The following SDK2 variants were observed in gnomAD, a reference collection of about 807,000 sequenced individuals.
The protein encoded by SDK2 is protein sidekick-2.
A neutral mutation model predicts 253.9 loss-of-function variants in SDK2; 105 were observed. That is an observed-to-expected ratio of 0.41 (90% CI 0.35 to 0.49). The LOEUF is 0.49. Among genes scored for constraint, SDK2 ranks in the 20% least tolerant of loss-of-function variants. The pLI is 0.06. For missense variants in SDK2, 2,608 were observed against 3,003.0 expected (o/e 0.87, Z 3.07); for synonymous variants, 1,249 against 1,234.9 (o/e 1.01, Z -0.24).
intron 1 of SDK2, among the ~76,000 whole-genome samples, chr17:73,599,475 C>A (rs2045807700): frequency 6.6e-6 from 1 of 151,386 alleles, no homozygotes; most frequent in African/African-American, 2.4e-5. Context: ...GCGGAGGCTG[C>A]AGTGAGCTGA....
rs1340006897 is a variant in SDK2 at position 73,467,707 on chromosome 17, C to T, written c.331+4405G>A. ...ACCTTCCTTAGCTTGTCAGGAACTG[C>T]GTTCTTCTCAAGGGTCGGAAGGACT... On this transcript the variant is annotated intron_variant, in intron 3 of 44. Coordinates refer to ENST00000392650, the MANE Select transcript of SDK2 (RefSeq NM_001144952.2). The surrounding 1 kb of genome is among the most constrained non-coding windows in gnomAD (Gnocchi z 4.1). Among the ~76,000 whole-genome samples the T allele has an allele frequency of 5.9e-5, 9 of 152,166 alleles. No individual in the cohort carries two copies. In the East Asian group the frequency reaches 1.5e-3, roughly 26 times the overall value.
At chr17:73,386,389 T>A (rs2062872148) in intron 31 of SDK2, 56 bp downstream of exon 31, 1 of 1,271,694 alleles carries the variant, frequency 7.9e-7, no homozygotes, top group South Asian at 1.3e-5. Flanking sequence ...AAATGCCCCA[T>A]GCCCAGGAAG....
chr17:73,517,003 C>A (rs1370793916), intron 1 of SDK2: 2 of 152,194 alleles, frequency 1.3e-5, no homozygotes, highest in East Asian at 3.9e-4. Flanking sequence ...GCCACCGAGC[C>A]CTCCTTGAGC....
rs755947770 is a variant in SDK2, at chr17:73,612,155, G to A, written c.64+31870C>T. Among the ~76,000 whole-genome samples, 8 of 152,170 alleles carry A rather than the reference G, an allele frequency of 5.3e-5. No individual in the cohort carries two copies. Among genetic ancestry groups the A allele is most frequent in the East Asian group, 1.9e-4 (1 of 5,204 alleles). ...ATAAACAGCAATTCCTTTCACCCCC[G>A]CTGCAGCCTCTTCAAGCGAGGAAAG... On this transcript the variant is annotated intron_variant, in intron 1 of 44. Transcript: ENST00000392650. The surrounding 1 kb of genome is among the most constrained non-coding windows in gnomAD (Gnocchi z 4.4).
At chr17:73,597,676 C>T (rs1334346459) in intron 1 of SDK2, among the ~76,000 whole-genome samples, 50 of 149,220 alleles carry the variant, frequency 3.4e-4, no homozygotes, top group South Asian at 3.0e-3. Flanking sequence ...GACAGAGTCT[C>T]GCTCTGTCGC....
At chr17:73,599,205 G>A (rs561133372) in intron 1 of SDK2, among the ~76,000 whole-genome samples, 156 of 152,320 alleles carry the variant, frequency 1.0e-3, no homozygotes, top group African/African-American at 3.6e-3. Flanking sequence ...ACAGAAGGAG[G>A]AAGGTAGGTA....
At position 73,390,360 on chromosome 17, in the gene SDK2, G is replaced by T; in HGVS notation, c.4119C>A (p.Phe1373Leu). 6.2e-7 allele frequency: 1 copy of T among 1,612,016 alleles called. No homozygotes were observed. The highest frequency in any genetic ancestry group is 8.5e-7 in the Non-Finnish European group (1 of 1,179,740). ...TGLKPESVYLFRITAQTRKGW... is the reference protein window; with the variant it reads ...TGLKPESVYLLRITAQTRKGW... The stretch of plus-strand genomic sequence containing the variant: ...CCTTGCGGGTCTGGGCCGTGATGCG[G>T]AACAGGTAGACAGACTCTGGCTTGA... Residue 1373 changes from phenylalanine to leucine, a missense_variant, in exon 29 of 45, where the codon TTC becomes TTA. Physicochemically the swap from Phe to Leu is conservative, Grantham distance 22. This residue lies in a region of SDK2 where 1,103 missense variants were observed against 1,143.9 expected (regional missense o/e 0.96). Coordinates refer to ENST00000392650, the MANE Select transcript of SDK2 (RefSeq NM_001144952.2).
At chr17:73,561,645 C>T (rs1173542158) in intron 1 of SDK2, among the ~76,000 whole-genome samples, 1 of 152,238 alleles carries the variant, frequency 6.6e-6, no homozygotes, top group Non-Finnish European at 1.5e-5. Flanking sequence ...AATGGCTACA[C>T]GCCTAGGCCA....
At chr17:73,369,671 T>A in intron 36 of SDK2, among the ~76,000 whole-genome samples, 1 of 152,192 alleles carries the variant, frequency 6.6e-6, no homozygotes, top group East Asian at 1.9e-4. Context: ...TTCCTTTCTG[T>A]TTTTTGAGAT....
chr17:73,445,938 C>T (rs2063450414), intron 5 of SDK2, among the ~76,000 whole-genome samples: 1 of 152,102 alleles, frequency 6.6e-6, no homozygotes, highest in Admixed American at 6.5e-5. Flanking sequence ...TGCCCACCTC[C>T]CTGGGGCCAG....
chr17:73,407,752 T>G (rs938042814), intron 18 of SDK2, among the ~76,000 whole-genome samples: 1 of 152,136 alleles, frequency 6.6e-6, no homozygotes, highest in African/African-American at 2.4e-5. Flanking sequence ...CAATTCATTA[T>G]ACGAAAAATT....
intron 21 of SDK2, among the ~76,000 whole-genome samples, chr17:73,399,757 A>G (rs1242836712): frequency 1.3e-5 from 2 of 152,164 alleles, no homozygotes; most frequent in Non-Finnish European, 2.9e-5. Context: ...GACAGGGGGA[A>G]GCTTATTTTC....
chr17:73,622,604 G>C (rs1476888893), intron 1 of SDK2, among the ~76,000 whole-genome samples: 4 of 152,224 alleles, frequency 2.6e-5, no homozygotes, highest in Non-Finnish European at 4.4e-5. Context: ...GCCTCACTTG[G>C]AGTGATTTGC....
intron 1 of SDK2, among the ~76,000 whole-genome samples, chr17:73,563,675 C>T (rs1156378696): frequency 1.3e-5 from 2 of 152,132 alleles, no homozygotes; most frequent in African/African-American, 4.8e-5. Flanking sequence ...CAACAGTGCT[C>T]TGAAAGGGTC....
intron 33 of SDK2, among the ~76,000 whole-genome samples, chr17:73,382,449 G>A (rs1053819106): frequency 3.9e-5 from 6 of 152,172 alleles, no homozygotes; most frequent in African/African-American, 7.2e-5. Flanking sequence ...TTAGGTGAAC[G>A]CAAGCACTTC....
chr17:73,577,479 G>A (rs2045472800), intron 1 of SDK2, among the ~76,000 whole-genome samples: 1 of 152,202 alleles, frequency 6.6e-6, no homozygotes, highest in Admixed American at 6.5e-5. Context: ...AGGGTCCCCA[G>A]CTGGTGTGGA....
chr17:73,403,317 A>G (rs910658026), intron 18 of SDK2, among the ~76,000 whole-genome samples: 15 of 152,056 alleles, frequency 9.9e-5, no homozygotes, highest in African/African-American at 3.6e-4. Context: ...CTAAGTTGGG[A>G]TTTCCATCTT....
chr17:73,393,527 G>C, intron 27 of SDK2, 33 bp downstream of exon 27: 1 of 1,492,108 alleles, frequency 6.7e-7, no homozygotes, highest in Non-Finnish European at 9.0e-7. Flanking sequence ...GCTCCTCCCA[G>C]CCTTCCCCAA....
Position 73,431,598 on chromosome 17 carries a change from T to C in SDK2, c.1384A>G (p.Ile462Val), listed in dbSNP as rs2063326397. ...GCATCGGAGATGTGTGTGGGGCTGA[T>C]GAGGAGGCTGCCCGACTCCAGGGGT... is the stretch of plus-strand genomic sequence containing the variant. Reference protein sequence around the residue: ...FTPLESGSLLISPTHISDAGT... With the variant: ...FTPLESGSLLVSPTHISDAGT... The change falls in exon 11 of 45, where the codon ATC becomes GTC. Residue 462 changes from isoleucine to valine, a missense_variant. Physicochemically the swap from Ile to Val is conservative, Grantham distance 29. Transcript: ENST00000392650. The surrounding 1 kb of genome is among the most constrained non-coding windows in gnomAD (Gnocchi z 5.6). 6.2e-7 allele frequency: 1 copy of C among 1,612,460 alleles called. No homozygotes were observed. The highest frequency in any genetic ancestry group is 8.5e-7 in the Non-Finnish European group (1 of 1,179,514).
Sources: gnomAD v4.1 joint callset for allele counts (sites outside exome capture counted in the v4.1 genomes callset) on GRCh38, gnomAD v4.1.1 for gene constraint, gnomAD v4.1.1 regional missense constraint, Gnocchi (gnomAD v3.1) non-coding constraint, MANE v1.5 for transcripts, NCBI Gene and HGNC (gene_info 2026-07-23, HGNC 2026-07-21) for gene names.